The following DDR2 variants were observed in gnomAD, a reference collection of about 807,000 sequenced individuals.
DDR2 encodes discoidin domain-containing receptor 2.
A neutral mutation model predicts 94.9 loss-of-function variants in DDR2; 27 were observed. The observed-to-expected ratio is 0.28, with a 90% CI of 0.21 to 0.39. The LOEUF (loss-of-function observed/expected upper bound fraction) is 0.39. DDR2 is among the 10% of genes least tolerant of loss of function. The pLI is 1.00. For missense variants in DDR2, 783 were observed against 1,076.0 expected (o/e 0.73, Z 3.81); for synonymous variants, 382 against 377.2 (o/e 1.01, Z -0.15).
chr1:162,764,497 G>A (rs1036927994), intron 9 of DDR2, among the ~76,000 whole-genome samples: 19 of 151,866 alleles, frequency 1.3e-4, no homozygotes, highest in African/African-American at 3.9e-4. Context: ...TCAAAGGAAT[G>A]AGACTTGTAC....
Position 162,786,502 on chromosome 1 carries a change from CTTTA to C in DDR2, c.*6263_*6266del, listed in dbSNP as rs1316153094. On this transcript the variant is annotated 3_prime_UTR_variant, in exon 18 of 18. Transcript: ENST00000367921. Reference sequence around the variant, plus strand: ...TGATACCAATTGTATATTTTCTTTTCTTTATTTATTCTCTGTAAGTCTGTCAGAT... The same window carrying C: ...TGATACCAATTGTATATTTTCTTTTCTTTATTCTCTGTAAGTCTGTCAGAT... 1 of 152,196 alleles carries C rather than the reference CTTTA, an allele frequency of 6.6e-6. No individual in the cohort carries two copies. The highest frequency in any genetic ancestry group is 1.5e-5 in the Non-Finnish European group (1 of 68,036). 9.4% of individuals were successfully genotyped at this position (152,196 alleles called of 1,614,324 possible).
intron 2 of DDR2, among the ~76,000 whole-genome samples, chr1:162,710,520 C>G (rs948558668): frequency 9.2e-5 from 14 of 152,078 alleles, no homozygotes; most frequent in African/African-American, 3.4e-4. Context: ...GTTTGAGGGC[C>G]CATCTCTTGC....
intron 3 of DDR2, among the ~76,000 whole-genome samples, chr1:162,727,972 T>TAG (rs1246836561): frequency 5.6e-5 from 8 of 142,120 alleles, no homozygotes; most frequent in Non-Finnish European, 1.2e-4. Flanking sequence ...TATATATATA[T>TAG]ATATAGATAT....
In DDR2 at chr1:162,673,696, A is replaced by T. The variant is rs187512882; in HGVS notation, c.-28+18322A>T. Among the ~76,000 whole-genome samples the T allele has an allele frequency of 6.9e-4, 105 of 151,904 alleles. 1 individual carries two copies. Among genetic ancestry groups the T allele is most frequent in the South Asian group, 2.3e-3 (11 of 4,812 alleles). ...TTTTTAAGAACTCTCAATGATTCAG[A>T]TCTCCATTTTTTCCCTTCACCTACA... On this transcript the variant is annotated intron_variant, in intron 2 of 17. Coordinates refer to ENST00000367921, the MANE Select transcript of DDR2 (RefSeq NM_006182.4).
At position 162,754,864 on chromosome 1, in the gene DDR2, AAG is replaced by A. The variant is rs774767082; in HGVS notation, c.417+13_417+14del. On this transcript the variant is annotated intron_variant, in intron 5 of 17. Coordinates refer to ENST00000367921, the MANE Select transcript of DDR2 (RefSeq NM_006182.4). ...ACCGTCATGGGAAACAGGTAGGAAG[AAG>A]AGACATCCAGATCCTGGATGTCCAA... 1.9e-6 allele frequency: 3 copies of A among 1,613,834 alleles called. No homozygotes were observed. In the African/African-American group the frequency reaches 4.0e-5, roughly 22 times the overall value.
chr1:162,778,257 A>C (rs1308279765), intron 16 of DDR2, among the ~76,000 whole-genome samples: 1 of 152,148 alleles, frequency 6.6e-6, no homozygotes, highest in African/African-American at 2.4e-5. Context: ...TTGACTTCCC[A>C]TTCAGATTTT....
At chr1:162,751,524 T>C (rs1049150480) in intron 3 of DDR2, among the ~76,000 whole-genome samples, 1 of 152,124 alleles carries the variant, frequency 6.6e-6, no homozygotes, top group African/African-American at 2.4e-5. Flanking sequence ...TGTGGAGAAA[T>C]AGGAATGCTT....
chr1:162,690,459 C>A (rs140161858), intron 2 of DDR2, among the ~76,000 whole-genome samples: 17 of 152,230 alleles, frequency 1.1e-4, no homozygotes, highest in African/African-American at 3.9e-4. Context: ...TTTACTGATT[C>A]ATTCAGCAGC....
chr1:162,759,733 C>T, intron 7 of DDR2, 63 bp from the exon 8 acceptor site: 2 of 1,600,188 alleles, frequency 1.2e-6, no homozygotes, highest in East Asian at 2.2e-5. Flanking sequence ...AAAGCTCTTC[C>T]ACGAATGTGT....
intron 3 of DDR2, among the ~76,000 whole-genome samples, chr1:162,744,671 C>G (rs539265445): frequency 6.6e-6 from 1 of 152,036 alleles, no homozygotes; most frequent in African/African-American, 2.4e-5. Context: ...CCCCTAGCCC[C>G]CCACCCAATT....
intron 2 of DDR2, among the ~76,000 whole-genome samples, chr1:162,682,207 C>G (rs1471224650): frequency 1.3e-5 from 2 of 152,186 alleles, no homozygotes; most frequent in African/African-American, 2.4e-5. Flanking sequence ...CACTGCTGCT[C>G]TGTTTGCCCA....
In DDR2 at chr1:162,781,496, A is replaced by C. The variant is rs1274219426; in HGVS notation, c.*1250A>C. On this transcript the variant is annotated 3_prime_UTR_variant, in exon 18 of 18. Transcript: ENST00000367921. ...GGAGAGGTTAAGATAGAGGCTCAAG[A>C]ACAATGCAAGGAAAATGGAGGTTTT... is the stretch of plus-strand genomic sequence containing the variant. 1 of 152,284 alleles carries C rather than the reference A, an allele frequency of 6.6e-6. No homozygotes were observed. 9.4% of individuals were successfully genotyped at this position (152,284 alleles called of 1,614,324 possible). A position where few individuals can be genotyped will look rare whatever the true frequency, so the allele number is the denominator to read the frequency against.
intron 1 of DDR2, among the ~76,000 whole-genome samples, chr1:162,648,825 A>G (rs1657543942): frequency 6.6e-6 from 1 of 152,118 alleles, no homozygotes; most frequent in South Asian, 2.1e-4. Flanking sequence ...GAGAACAAAA[A>G]CACTCATTTT....
intron 1 of DDR2, among the ~76,000 whole-genome samples, chr1:162,651,309 G>C (rs184241343): frequency 1.2e-4 from 18 of 152,264 alleles, no homozygotes; most frequent in African/African-American, 4.1e-4. Context: ...GTGTGTTCCT[G>C]TCCTCCCACC....
chr1:162,678,170 G>A (rs1332538315), intron 2 of DDR2, among the ~76,000 whole-genome samples: 1 of 152,160 alleles, frequency 6.6e-6, no homozygotes, highest in East Asian at 1.9e-4. Context: ...TTACCTACTA[G>A]TTACCTATTG....
At chr1:162,682,496 G>T (rs1418879004) in intron 2 of DDR2, among the ~76,000 whole-genome samples, 1 of 152,214 alleles carries the variant, frequency 6.6e-6, no homozygotes, top group Non-Finnish European at 1.5e-5. Flanking sequence ...ATTAAAATAT[G>T]TATAGCCTGT....
chr1:162,642,079 T>A (rs1446888817), intron 1 of DDR2, among the ~76,000 whole-genome samples: 6 of 152,116 alleles, frequency 3.9e-5, no homozygotes, highest in African/African-American at 1.2e-4. Flanking sequence ...TGCCTCAGCC[T>A]CCGAAGTAGC....
chr1:162,786,164 C>T lies in DDR2; in HGVS notation c.*5918C>T, dbSNP rs1293238842. 6.6e-6 allele frequency: 1 copy of T among 152,228 alleles called. No homozygotes were observed. Among genetic ancestry groups the T allele is most frequent in the South Asian group, 2.1e-4 (1 of 4,830 alleles). The allele number at this position is 152,228 out of a possible 1,614,324, so 9.4% of individuals were successfully genotyped here. A position where few individuals can be genotyped will look rare whatever the true frequency, so the allele number is the denominator to read the frequency against. On this transcript the variant is annotated 3_prime_UTR_variant, in exon 18 of 18. Transcript: ENST00000367921. ...GTTTTCTTGAAAACAGGCTTGGACA[C>T]AATTGAAAGCTGGCTTCCTGCAAAC...
Position 162,784,329 on chromosome 1 carries a change from T to C in DDR2, c.*4083T>C, listed in dbSNP as rs1648061433. ...ATAAAAGAAAAAAAGAAAATTGCAA[T>C]ACATGGCTACTAAGTCTTTGATCAT... On this transcript the variant is annotated 3_prime_UTR_variant, in exon 18 of 18. Coordinates refer to ENST00000367921, the MANE Select transcript of DDR2 (RefSeq NM_006182.4). The C allele has an allele frequency of 6.5e-6, 1 of 154,164 alleles. No homozygotes were observed. Among genetic ancestry groups the C allele is most frequent in the Admixed American group, 6.5e-5 (1 of 15,274 alleles). The allele number at this position is 154,164 out of a possible 1,614,324, so 9.5% of individuals were successfully genotyped here. A position where few individuals can be genotyped will look rare whatever the true frequency, so the allele number is the denominator to read the frequency against.
Sources: allele counts gnomAD v4.1 joint callset (sites outside exome capture counted in the v4.1 genomes callset), GRCh38; gene constraint gnomAD v4.1.1; transcripts MANE v1.5; gene names NCBI Gene and HGNC (gene_info 2026-07-23, HGNC 2026-07-21).